Variants in HECTD4 observed in about 807,000 individuals in gnomAD.
HECTD4 encodes probable E3 ubiquitin-protein ligase HECTD4.
In HECTD4, 114 loss-of-function variants were observed where a neutral mutation model predicts 471.5. The ratio of observed to expected loss-of-function variants is 0.24; its 90% confidence interval spans 0.21 to 0.28. The LOEUF (loss-of-function observed/expected upper bound fraction) is 0.28. Among genes scored for constraint, HECTD4 ranks in the 10% least tolerant of loss-of-function variants. HECTD4 has a pLI of 1.00. For missense variants in HECTD4, 3,866 were observed against 5,651.5 expected (o/e 0.68, Z 10.13); for synonymous variants, 2,012 against 2,256.0 (o/e 0.89, Z 3.07).
At chr12:112,185,803 G>T (rs1164877260) in intron 60 of HECTD4, among the ~76,000 whole-genome samples, 1 of 152,248 alleles carries the variant, frequency 6.6e-6, no homozygotes, top group Non-Finnish European at 1.5e-5. Flanking sequence ...AGGTTATGCA[G>T]CATGTTGGTG....
chr12:112,273,224 A>G (rs1488608701), intron 11 of HECTD4, among the ~76,000 whole-genome samples: 13 of 152,210 alleles, frequency 8.5e-5, no homozygotes. Flanking sequence ...TTTAATATTA[A>G]CTTAGTATTA....
chr12:112,353,331 T>C (rs2036279143), intron 1 of HECTD4, among the ~76,000 whole-genome samples: 1 of 152,250 alleles, frequency 6.6e-6, no homozygotes, highest in Non-Finnish European at 1.5e-5. Context: ...AAACCTGTCT[T>C]ATTTCCCTAA....
rs1327269518 is a variant in HECTD4, at chr12:112,162,948, T to G, written c.13120+94A>C. 13 of 1,032,608 alleles carry G rather than the reference T, an allele frequency of 1.3e-5. No homozygotes were observed. The Admixed American group carries it at 2.9e-4, about 23-fold the overall frequency. 64.0% of individuals were successfully genotyped at this position (1,032,608 alleles called of 1,614,324 possible). A position where few individuals can be genotyped will look rare whatever the true frequency, so the allele number is the denominator to read the frequency against. ...TTTGGCACGTGGGGCTCCTGTTCAT[T>G]GTTCTCCCTTCACATGGGGCCTGGC... On this transcript the variant is annotated intron_variant, in intron 75 of 75. Transcript: ENST00000682272. The surrounding 1 kb of genome is among the most constrained non-coding windows in gnomAD (Gnocchi z 5.2).
chr12:112,282,902 T>G (rs2034674618), intron 8 of HECTD4, among the ~76,000 whole-genome samples: 1 of 152,216 alleles, frequency 6.6e-6, no homozygotes, highest in South Asian at 2.1e-4. Context: ...TGGGGCTATT[T>G]TGCATTCTTA....
At position 112,163,655 on chromosome 12, in the gene HECTD4, C is replaced by G. The variant is rs755661535; in HGVS notation, c.12784G>C (p.Val4262Leu). ...ELQNVECVTA[V>L]RAGLGSIIPL... is the part of the protein sequence containing the mutation. ...ATGATGGAGCCCAGGCCGGCCCGCA[C>G]GGCCGTCACGCACTCCACATTCTGC... The change falls in exon 74 of 76, where the codon GTG becomes CTG. Residue 4262 changes from valine (V) to leucine (L), a missense_variant. Val to Leu is a conservative substitution (Grantham distance 32). Around this residue, in one of 16 missense-constraint regions of HECTD4, gnomAD observed 715 missense variants for 1,087.6 expected, o/e 0.66. Coordinates refer to ENST00000682272, the MANE Select transcript of HECTD4 (RefSeq NM_001388303.1). The surrounding 1 kb of genome is among the most constrained non-coding windows in gnomAD (Gnocchi z 8.2). The G allele has an allele frequency of 1.4e-5, 22 of 1,539,772 alleles. No homozygotes were observed. Among genetic ancestry groups the G allele is most frequent in the Non-Finnish European group, 1.9e-5 (22 of 1,142,658 alleles).
At position 112,288,318 on chromosome 12, in the gene HECTD4, C is replaced by CAA. The variant is rs34194692; in HGVS notation, c.1336-5018_1336-5017dup. 3.2e-3 allele frequency among the ~76,000 whole-genome samples: 238 copies of CAA among 75,096 alleles called. 3 individuals are homozygous for CAA. In the East Asian group the frequency reaches 0.035, roughly 11 times the overall value. 49.3% of individuals were successfully genotyped at this position (75,096 alleles called of 152,430 possible). ...TAGGTGACAGAGCAAGACTCTGTCT[C>CAA]AAAAAAAAAAAAAAAAAGATGCAGC... On this transcript the variant is annotated intron_variant, in intron 7 of 75. Transcript: ENST00000682272.
rs372737327 is a variant in HECTD4 at position 112,219,464 on chromosome 12, T to C, written c.6996A>G (p.Val2332=). The C allele has an allele frequency of 6.2e-7, 1 of 1,613,682 alleles. No individual in the cohort carries two copies. The highest frequency in any genetic ancestry group is 8.5e-7 in the Non-Finnish European group (1 of 1,179,766). Residue 2332 remains valine, a synonymous_variant, in exon 45 of 76, where the codon GTA becomes GTG. Coordinates refer to ENST00000682272, the MANE Select transcript of HECTD4 (RefSeq NM_001388303.1). ...SAGERLAVVE[V]QCERLRMLYR... The stretch of plus-strand genomic sequence containing the variant: ...AGAGCATCCTCAGCCGTTCACACTG[T>C]ACCTCCACAACTGCAAGTCGCTCTC...
At chr12:112,280,385 A>G (rs924335480) in intron 8 of HECTD4, among the ~76,000 whole-genome samples, 1 of 152,168 alleles carries the variant, frequency 6.6e-6, no homozygotes, top group Non-Finnish European at 1.5e-5. Context: ...CCTAGCGAGG[A>G]TTGATTATGT....
chr12:112,170,861 C>T (rs2031187502), intron 68 of HECTD4: 1 of 499,170 alleles, frequency 2.0e-6, no homozygotes, highest in African/African-American at 1.9e-5. Flanking sequence ...AACAGACCTT[C>T]ATATATGATT....
At position 112,172,763 on chromosome 12, in the gene HECTD4, C is replaced by T. The variant is rs781440455; in HGVS notation, c.11693G>A (p.Arg3898His). ...ALVQYINQLC[R>H]HLAITPARLH... is the part of the protein sequence containing the mutation. Reference sequence around the variant, plus strand: ...CCGTGCGGGTGTGATGGCGAGGTGGCGGCATAGCTGGTTGATGTACTGCAC... The same window carrying T: ...CCGTGCGGGTGTGATGGCGAGGTGGTGGCATAGCTGGTTGATGTACTGCAC... The change falls in exon 67 of 76, where the codon CGC (arginine) becomes CAC (histidine). Residue 3898 changes from arginine (R) to histidine (H), a missense_variant. Arg to His is a conservative substitution (Grantham distance 29). This residue lies in a region of HECTD4 where 715 missense variants were observed against 1,087.6 expected (regional missense o/e 0.66). Coordinates refer to ENST00000682272, the MANE Select transcript of HECTD4 (RefSeq NM_001388303.1). The T allele has an allele frequency of 1.1e-5, 17 of 1,613,818 alleles. No individual in the cohort carries two copies. Among genetic ancestry groups the T allele is most frequent in the Middle Eastern group, 1.6e-4 (1 of 6,082 alleles).
intron 44 of HECTD4, among the ~76,000 whole-genome samples, chr12:112,222,704 T>C (rs2033133738): frequency 6.6e-6 from 1 of 151,952 alleles, no homozygotes; most frequent in Non-Finnish European, 1.5e-5. Context: ...CATGGTGGTG[T>C]GCACCTGTGG....
intron 1 of HECTD4, among the ~76,000 whole-genome samples, chr12:112,337,903 T>A (rs1190399716): frequency 1.3e-5 from 2 of 152,210 alleles, no homozygotes; most frequent in Admixed American, 6.5e-5. Context: ...AAATAGAAAT[T>A]GGTTCAAAAA....
intron 14 of HECTD4, among the ~76,000 whole-genome samples, chr12:112,266,559 C>T (rs529495168): frequency 4.6e-5 from 7 of 152,358 alleles, no homozygotes; most frequent in Non-Finnish European, 8.8e-5. Flanking sequence ...CAGCTCACTG[C>T]ATCCTCAACC....
Position 112,239,940 on chromosome 12 carries a change from A to G in HECTD4, c.5046T>C (p.Ala1682=), listed in dbSNP as rs1166015604. 1 of 1,614,076 alleles carries G rather than the reference A, an allele frequency of 6.2e-7. No homozygotes were observed. Among genetic ancestry groups the G allele is most frequent in the Non-Finnish European group, 8.5e-7 (1 of 1,179,898 alleles). The change falls in exon 33 of 76, where the codon GCT becomes GCC. Residue 1682 remains alanine, a synonymous_variant. Transcript: ENST00000682272. This position sits in a 1 kb window ranked among gnomAD's most constrained non-coding sequence, Gnocchi z 4.9. Reference sequence around the variant, plus strand: ...TATTTGCGCAAGCGATAGGGTAACGAGCACACAGAGACACAACAGAGGTCA... The same window carrying G: ...TATTTGCGCAAGCGATAGGGTAACGGGCACACAGAGACACAACAGAGGTCA... ...ETMTSVVSLC[A]RYPIACANSI...
At chr12:112,268,498 G>A (rs1593993476) in intron 13 of HECTD4, among the ~76,000 whole-genome samples, 1 of 152,162 alleles carries the variant, frequency 6.6e-6, no homozygotes, top group Admixed American at 6.5e-5. Flanking sequence ...GCTCACACCT[G>A]TAATCCCAGT....
chr12:112,335,127 G>A (rs1203408958), intron 1 of HECTD4, among the ~76,000 whole-genome samples: 1 of 131,912 alleles, frequency 7.6e-6, no homozygotes, highest in Non-Finnish European at 1.5e-5. Flanking sequence ...CCAACAAGTG[G>A]ATAAAGAAAC....
intron 7 of HECTD4, among the ~76,000 whole-genome samples, chr12:112,290,861 A>C (rs1272196411): frequency 4.7e-5 from 7 of 147,564 alleles, no homozygotes; most frequent in African/African-American, 1.8e-4. Flanking sequence ...AAAAAAACAA[A>C]ACAAAAAAAA....
intron 52 of HECTD4, among the ~76,000 whole-genome samples, chr12:112,207,033 G>C: frequency 6.6e-6 from 1 of 152,022 alleles, no homozygotes; most frequent in African/African-American, 2.4e-5. Context: ...AGAAGATTAG[G>C]GAACAATAAT....
At position 112,163,296 on chromosome 12, in the gene HECTD4, C is replaced by G; in HGVS notation, c.12898-32G>C. On this transcript the variant is annotated intron_variant, in intron 74 of 75. Coordinates refer to ENST00000682272, the MANE Select transcript of HECTD4 (RefSeq NM_001388303.1). This position sits in a 1 kb window ranked among gnomAD's most constrained non-coding sequence, Gnocchi z 8.2. The stretch of plus-strand genomic sequence containing the variant: ...AGGAGAGGTCCAGGTGTCAGGAGCC[C>G]TGGAGCCCCACCTACCCAGTGCCTC... The G allele has an allele frequency of 6.3e-7, 1 of 1,577,214 alleles. No homozygotes were observed. Among genetic ancestry groups the G allele is most frequent in the Non-Finnish European group, 8.6e-7 (1 of 1,156,660 alleles).
Sources: gnomAD v4.1 joint callset for allele counts (sites outside exome capture counted in the v4.1 genomes callset) on GRCh38, gnomAD v4.1.1 for gene constraint, gnomAD v4.1.1 regional missense constraint, Gnocchi (gnomAD v3.1) non-coding constraint, MANE v1.5 for transcripts, NCBI Gene and HGNC (gene_info 2026-07-23, HGNC 2026-07-21) for gene names.